RREB1: variants seen among roughly 807,000 people sequenced by gnomAD.
The protein encoded by RREB1 is ras-responsive element-binding protein 1.
Under a neutral mutation model 117.8 loss-of-function variants are expected in RREB1, and 27 were observed. The ratio of observed to expected loss-of-function variants is 0.23; its 90% CI spans 0.17 to 0.32. RREB1 has a LOEUF of 0.32. RREB1 is among the 10% of genes least tolerant of loss of function. The probability of loss-of-function intolerance (pLI) is 1.00; values close to 1 mark genes in which losing one functional copy is unlikely to be tolerated. For synonymous variants in RREB1, 1,298 were observed against 1,026.7 expected, an observed-to-expected ratio of 1.26 and a Z score of -5.05; for missense variants, 2,577 against 2,378.2, an observed-to-expected ratio of 1.08 and a Z score of -1.74.
chr6:7,172,750 T>A (rs1030286027), intron 1 of RREB1, among the ~76,000 whole-genome samples: 1 of 151,668 alleles, frequency 6.6e-6, no homozygotes, highest in Non-Finnish European at 1.5e-5. Context: ...GCCTGGACCC[T>A]AAGCCAAGAA....
intron 6 of RREB1, among the ~76,000 whole-genome samples, chr6:7,202,893 C>T (rs190617129): frequency 1.7e-3 from 259 of 152,330 alleles, no homozygotes; most frequent in Non-Finnish European, 2.8e-3. Flanking sequence ...ATTCATCCAA[C>T]TTCTGAGGTC....
intron 4 of RREB1, among the ~76,000 whole-genome samples, chr6:7,182,546 T>G (rs1764863944): frequency 6.6e-6 from 1 of 152,232 alleles, no homozygotes; most frequent in African/African-American, 2.4e-5. Context: ...AGATGCTGTT[T>G]AGTCATCTTG....
chr6:7,219,092 CAAAAAAAAAAAAAAAAAAA>C (rs57534871), intron 8 of RREB1: 8 of 40,512 alleles, frequency 2.0e-4, no homozygotes, highest in South Asian at 2.9e-3. Context: ...TACTAAAATA[CAAAAAAAAAAAAAAAAAAA>C]AAAAAAAAAA....
chr6:7,232,353 T>A (rs970440846), intron 10 of RREB1, among the ~76,000 whole-genome samples: 10 of 152,232 alleles, frequency 6.6e-5, no homozygotes, highest in African/African-American at 1.9e-4. Context: ...TGCAGCTTTT[T>A]AAATTTTGAC....
intron 1 of RREB1, among the ~76,000 whole-genome samples, chr6:7,131,648 ATC>A (rs1024712142): frequency 6.6e-6 from 1 of 152,148 alleles, no homozygotes; most frequent in African/African-American, 2.4e-5. Context: ...AAGTAAAAAT[ATC>A]CACTTTTGGG....
chr6:7,123,951 C>T (rs1393852803), intron 1 of RREB1, among the ~76,000 whole-genome samples: 1 of 152,114 alleles, frequency 6.6e-6, no homozygotes, highest in Admixed American at 6.5e-5. Context: ...TATGTCCCTT[C>T]TTCGTGTACC....
chr6:7,198,663 G>A (rs577346783), intron 6 of RREB1, among the ~76,000 whole-genome samples: 1 of 152,294 alleles, frequency 6.6e-6, no homozygotes, highest in African/African-American at 2.4e-5. Context: ...GTTTCATTAT[G>A]ATAATACTTG....
chr6:7,203,936 C>A (rs756682181), intron 6 of RREB1, among the ~76,000 whole-genome samples: 6 of 152,184 alleles, frequency 3.9e-5, no homozygotes, highest in Non-Finnish European at 7.3e-5. Context: ...CCATATTGCC[C>A]ACATCAGAGA....
chr6:7,197,084 A>T (rs1765712393), intron 6 of RREB1, among the ~76,000 whole-genome samples: 1 of 152,180 alleles, frequency 6.6e-6, no homozygotes, highest in African/African-American at 2.4e-5. Flanking sequence ...AAGGGCATTG[A>T]GCTTTGCAGT....
intron 10 of RREB1, among the ~76,000 whole-genome samples, chr6:7,233,657 C>T (rs1045354520): frequency 2.6e-5 from 4 of 151,872 alleles, no homozygotes; most frequent in African/African-American, 7.3e-5. Flanking sequence ...TTTCTTTTTG[C>T]GCTAAATATG....
Position 7,231,816 on chromosome 6 carries a change from C to T in RREB1, c.3717C>T (p.Tyr1239=). 1 of 1,613,712 alleles carries T rather than the reference C, an allele frequency of 6.2e-7. No homozygotes were observed. Among genetic ancestry groups the T allele is most frequent in the Non-Finnish European group, 8.5e-7 (1 of 1,180,024 alleles). The change falls in exon 10 of 13, where the codon TAC becomes TAT. Residue 1239 remains tyrosine (Y), a synonymous_variant. Coordinates refer to ENST00000379938, the MANE Select transcript of RREB1 (RefSeq NM_001003699.4). The part of the protein sequence containing the change: ...DKLLRAKRNS[Y]TNCLQKITCP... ...TGCTGAGGGCCAAGCGGAACTCGTA[C>T]ACCAACTGCCTGCAGAAGATCACCT...
intron 1 of RREB1, among the ~76,000 whole-genome samples, chr6:7,123,907 G>A (rs527767460): frequency 3.3e-5 from 5 of 151,968 alleles, no homozygotes; most frequent in East Asian, 1.9e-4. Context: ...CACCGCGCCC[G>A]GCCTCATGTG....
chr6:7,116,351 C>CT (rs113944793), intron 1 of RREB1, among the ~76,000 whole-genome samples: 9 of 152,140 alleles, frequency 5.9e-5, no homozygotes, highest in African/African-American at 2.2e-4. Flanking sequence ...ATTTTGTACT[C>CT]TTTTTTTCAA....
rs1766538931 is a variant in RREB1 at position 7,210,804 on chromosome 6, A to G, written c.426A>G (p.Arg142=). The change falls in exon 7 of 13, where the codon AGA becomes AGG. Residue 142 remains arginine, a splice_region_variant and synonymous_variant. Coordinates refer to ENST00000379938, the MANE Select transcript of RREB1 (RefSeq NM_001003699.4). ...QSFTTNGNMH[R]HMKIHEKDPN... is the part of the protein sequence containing the mutation. ...TTGTGTGTGTGTTTGTTCTTTTCAGACATATGAAGATCCATGAGAAGGACC... is the reference window on the plus strand; with the variant it reads ...TTGTGTGTGTGTTTGTTCTTTTCAGGCATATGAAGATCCATGAGAAGGACC... 1 of 1,612,220 alleles carries G rather than the reference A, an allele frequency of 6.2e-7. No homozygotes were observed. The highest frequency in any genetic ancestry group is 1.3e-5 in the African/African-American group (1 of 74,822).
intron 11 of RREB1, among the ~76,000 whole-genome samples, chr6:7,245,268 C>T (rs983414379): frequency 6.6e-6 from 1 of 152,024 alleles, no homozygotes; most frequent in South Asian, 2.1e-4. Flanking sequence ...TGGTGGTGGG[C>T]GCCTGTAATC....
chr6:7,108,148 T>A (rs923585775), intron 1 of RREB1, 88 bp downstream of exon 1: 1 of 152,038 alleles, frequency 6.6e-6, no homozygotes, highest in Admixed American at 6.6e-5. Context: ...TTAAAGAACT[T>A]TGGGGATGGG....
At chr6:7,199,299 A>T (rs75431224) in intron 6 of RREB1, among the ~76,000 whole-genome samples, 18,542 of 152,152 alleles carry the variant, frequency 0.12, 1,579 homozygotes, top group Non-Finnish European at 0.18. Context: ...TGTAACATAT[A>T]CTCAAGCCTC....
chr6:7,175,023 T>C (rs1214649424), intron 1 of RREB1, among the ~76,000 whole-genome samples: 1 of 152,142 alleles, frequency 6.6e-6, no homozygotes, highest in Admixed American at 6.6e-5. Flanking sequence ...TCTTGGCAGT[T>C]TCTAGAAAAA....
intron 6 of RREB1, among the ~76,000 whole-genome samples, chr6:7,203,824 C>T (rs1472819158): frequency 6.6e-6 from 1 of 152,196 alleles, no homozygotes; most frequent in East Asian, 1.9e-4. Context: ...GACATCCATG[C>T]TGTGGAGCAT....
Sources: gnomAD v4.1 joint callset for allele counts (sites outside exome capture counted in the v4.1 genomes callset) on GRCh38, gnomAD v4.1.1 for gene constraint, MANE v1.5 for transcripts, NCBI Gene and HGNC (gene_info 2026-07-23, HGNC 2026-07-21) for gene names.